The following SNTG1 variants were observed in gnomAD, a reference collection of about 807,000 sequenced individuals.
The protein encoded by SNTG1 is gamma-1-syntrophin.
Under a neutral mutation model 74.7 loss-of-function variants are expected in SNTG1, and 39 were observed. The ratio of observed to expected loss-of-function variants is 0.52; its 90% CI spans 0.40 to 0.68. The LOEUF (loss-of-function observed/expected upper bound fraction) is 0.68, where lower values mean the gene tolerates loss of function less well. SNTG1 is among the 30% of genes least tolerant of loss of function. SNTG1 has a pLI of 0.00. For missense variants in SNTG1, 685 were observed against 609.5 expected (o/e 1.12, Z -1.30); for synonymous variants, 254 against 217.1 (o/e 1.17, Z -1.49).
chr8:49,985,068 A>G (rs1358974093), intron 1 of SNTG1, among the ~76,000 whole-genome samples: 3 of 152,244 alleles, frequency 2.0e-5, no homozygotes, highest in Non-Finnish European at 2.9e-5. Context: ...AAATGTCATA[A>G]TAATGAATTG....
intron 15 of SNTG1, among the ~76,000 whole-genome samples, chr8:50,676,579 C>T (rs923493337): frequency 6.6e-6 from 1 of 151,762 alleles, no homozygotes; most frequent in African/African-American, 2.4e-5. Flanking sequence ...AAAACATGCT[C>T]CTTTAGCTCA....
At chr8:50,293,470 C>T (rs1314334350) in intron 2 of SNTG1, among the ~76,000 whole-genome samples, 1 of 150,298 alleles carries the variant, frequency 6.7e-6, no homozygotes, top group Non-Finnish European at 1.5e-5. Flanking sequence ...AGTGCAGTGG[C>T]ATGATCTCAG....
chr8:50,531,328 CT>C (rs534775183), intron 10 of SNTG1, among the ~76,000 whole-genome samples: 5,268 of 143,792 alleles, frequency 0.037, 248 homozygotes, highest in African/African-American at 0.12. Flanking sequence ...ATCTTTGAAA[CT>C]TTTTTTTTTT....
chr8:50,027,231 T>C (rs905842259), intron 1 of SNTG1, among the ~76,000 whole-genome samples: 1 of 152,178 alleles, frequency 6.6e-6, no homozygotes, highest in Non-Finnish European at 1.5e-5. Context: ...TCAAGGCTGC[T>C]TGCTCTCTAT....
Position 50,536,757 on chromosome 8 carries a change from C to G in SNTG1, c.629C>G (p.Pro210Arg). ...CGATGGTGCGACCTCAGACTGATCC[C>G]TCTACTTCATTCGCGCTTCTCTCAG... Reference protein sequence around the residue: ...EKRWCDLRLIPLLHSRFSQYV... With the variant: ...EKRWCDLRLIRLLHSRFSQYV... The change falls in exon 11 of 19, where the codon CCT (proline) becomes CGT (arginine). Residue 210 changes from proline (P) to arginine (R), a missense_variant. Coordinates refer to ENST00000642720, the MANE Select transcript of SNTG1 (RefSeq NM_018967.5). 4.3e-6 allele frequency: 7 copies of G among 1,614,066 alleles called. No homozygotes were observed. The highest frequency in any genetic ancestry group is 5.1e-6 in the Non-Finnish European group (6 of 1,179,914).
chr8:50,299,597 AT>A (rs1348362477), intron 2 of SNTG1, among the ~76,000 whole-genome samples: 2 of 152,158 alleles, frequency 1.3e-5, no homozygotes, highest in Non-Finnish European at 2.9e-5. Flanking sequence ...AGTAAAAGAA[AT>A]TGATCAAATT....
chr8:50,650,911 G>A (rs1224984926), intron 13 of SNTG1, among the ~76,000 whole-genome samples: 1 of 152,110 alleles, frequency 6.6e-6, no homozygotes, highest in African/African-American at 2.4e-5. Flanking sequence ...ATGTGGGCCA[G>A]GCTGGTCTCG....
chr8:50,168,571 A>G (rs1290551371), intron 1 of SNTG1, among the ~76,000 whole-genome samples: 1 of 152,160 alleles, frequency 6.6e-6, no homozygotes, highest in African/African-American at 2.4e-5. Flanking sequence ...ATGTGTATAT[A>G]TATATGTATA....
intron 8 of SNTG1, among the ~76,000 whole-genome samples, chr8:50,480,523 C>G: frequency 6.6e-6 from 1 of 152,174 alleles, no homozygotes; most frequent in East Asian, 1.9e-4. Flanking sequence ...CATGTAGCAT[C>G]ACACAATCCA....
intron 4 of SNTG1, among the ~76,000 whole-genome samples, chr8:50,425,494 C>G (rs1415213778): frequency 6.6e-6 from 1 of 152,098 alleles, no homozygotes; most frequent in East Asian, 1.9e-4. Context: ...GGAAAACAAG[C>G]TGAGGGCTCT....
intron 1 of SNTG1, among the ~76,000 whole-genome samples, chr8:50,065,876 TAA>T (rs1820858503): frequency 2.0e-5 from 3 of 152,174 alleles, no homozygotes; most frequent in Non-Finnish European, 2.9e-5. Flanking sequence ...TCTAGAAGAC[TAA>T]GTCTATGGCA....
chr8:49,966,621 C>T (rs1412569858), intron 1 of SNTG1, among the ~76,000 whole-genome samples: 1 of 152,106 alleles, frequency 6.6e-6, no homozygotes, highest in East Asian at 1.9e-4. Flanking sequence ...TCTCAAACTC[C>T]TGACCTCAAA....
intron 2 of SNTG1, among the ~76,000 whole-genome samples, chr8:50,237,629 A>G (rs1208215796): frequency 1.3e-5 from 2 of 152,164 alleles, no homozygotes; most frequent in Non-Finnish European, 2.9e-5. Context: ...CCTTCAAAGA[A>G]GGCAAAAGGG....
At chr8:50,136,327 C>A (rs1223794631) in intron 1 of SNTG1, among the ~76,000 whole-genome samples, 1 of 152,064 alleles carries the variant, frequency 6.6e-6, no homozygotes. Flanking sequence ...CGAGAAATTG[C>A]CAAACTGCTT....
At chr8:50,049,102 AAAG>A (rs1819346124) in intron 1 of SNTG1, among the ~76,000 whole-genome samples, 1 of 152,074 alleles carries the variant, frequency 6.6e-6, no homozygotes, top group Non-Finnish European at 1.5e-5. Flanking sequence ...AAACAAAAAA[AAAG>A]AAAAATGGAA....
chr8:50,048,596 C>T (rs539189832), intron 1 of SNTG1, among the ~76,000 whole-genome samples: 1 of 152,258 alleles, frequency 6.6e-6, no homozygotes, highest in African/African-American at 2.4e-5. Context: ...AAGGTGTCAG[C>T]TCCTAATGAA....
At chr8:50,633,203 A>T (rs542684895) in intron 13 of SNTG1, among the ~76,000 whole-genome samples, 1 of 152,300 alleles carries the variant, frequency 6.6e-6, no homozygotes, top group African/African-American at 2.4e-5. Context: ...AGAGAATTGA[A>T]AAGTAAGTTC....
At chr8:50,210,067 A>T (rs753000553) in intron 2 of SNTG1, among the ~76,000 whole-genome samples, 4 of 152,198 alleles carry the variant, frequency 2.6e-5, no homozygotes, top group Admixed American at 2.6e-4. Flanking sequence ...TGGCACGAGA[A>T]CTACGTGAAG....
At chr8:50,539,952 G>T (rs1444652311) in intron 11 of SNTG1, among the ~76,000 whole-genome samples, 1 of 152,142 alleles carries the variant, frequency 6.6e-6, no homozygotes, top group Admixed American at 6.5e-5. Context: ...TAAAAGTCTT[G>T]CTGTTAGCCA....
Sources: gnomAD v4.1 joint callset for allele counts (sites outside exome capture counted in the v4.1 genomes callset) on GRCh38, gnomAD v4.1.1 for gene constraint, MANE v1.5 for transcripts, NCBI Gene and HGNC (gene_info 2026-07-23, HGNC 2026-07-21) for gene names.